C3orf49: variants seen among roughly 807,000 people sequenced by gnomAD.
The protein encoded by C3orf49 is putative uncharacterized protein C3orf49.
A neutral mutation model predicts 13.3 loss-of-function variants in C3orf49; 27 were observed. The observed-to-expected ratio is 2.02, with a 90% CI of 1.49 to 2.79. The LOEUF is 2.79. Among genes scored for constraint, C3orf49 ranks in the 30% most tolerant of loss-of-function variants. The pLI is 0.00. For missense variants in C3orf49, 242 were observed against 134.2 expected (o/e 1.80, Z -3.97); for synonymous variants, 87 against 47.6 (o/e 1.83, Z -3.40).
At chr3:63,839,249 C>T (rs544126746) in intron 5 of C3orf49, among the ~76,000 whole-genome samples, 5 of 152,224 alleles carry the variant, frequency 3.3e-5, no homozygotes, top group Admixed American at 6.5e-5. Flanking sequence ...CAAAAGTAAT[C>T]GTGGTTTCTG....
Position 63,837,886 on chromosome 3 carries a change from C to T in C3orf49, c.849+6042C>T. ...TTTTTTTAATCCAGGTTGATTCAGG[C>T]TGCAGATTTTACCTCACAACATTAA... On this transcript the variant is annotated intron_variant, in intron 5 of 6. Transcript: ENST00000295896. 3 of 1,131,180 alleles carry T rather than the reference C, an allele frequency of 2.7e-6. No individual in the cohort carries two copies. The South Asian group carries it at 4.9e-5, about 19-fold the overall frequency. The allele number at this position is 1,131,180 out of a possible 1,614,324, so 70.1% of individuals were successfully genotyped here.
chr3:63,788,685 T>A, the C3orf49 span, among the ~76,000 whole-genome samples: 1 of 149,770 alleles, frequency 6.7e-6, no homozygotes. Flanking sequence ...TTAATCCTCA[T>A]AACAGCCCGG....
chr3:63,838,083 A>G (rs1175914468), intron 5 of C3orf49: 8 of 1,567,826 alleles, frequency 5.1e-6, no homozygotes, highest in Non-Finnish European at 6.0e-6. Flanking sequence ...AGGTTTTTTA[A>G]AAGATAGTTG....
At chr3:63,783,666 C>T in the C3orf49 span, among the ~76,000 whole-genome samples, 3 of 151,118 alleles carry the variant, frequency 2.0e-5, no homozygotes, top group Admixed American at 6.6e-5. Flanking sequence ...TGCAGTAGGC[C>T]GAGACTGTGC....
intron 1 of C3orf49, among the ~76,000 whole-genome samples, chr3:63,821,149 T>C (rs1701388704): frequency 2.0e-5 from 3 of 152,220 alleles, no homozygotes; most frequent in Admixed American, 6.5e-5. Context: ...AGAGGTTACA[T>C]GACATGCCCA....
chr3:63,846,559 C>G (rs1200400744), intron 6 of C3orf49, among the ~76,000 whole-genome samples: 2 of 152,118 alleles, frequency 1.3e-5, no homozygotes, highest in African/African-American at 4.8e-5. Flanking sequence ...AGGCACCCAC[C>G]ACCACGCCAG....
At chr3:63,797,931 C>G in the C3orf49 span, among the ~76,000 whole-genome samples, 1 of 152,098 alleles carries the variant, frequency 6.6e-6, no homozygotes, top group Non-Finnish European at 1.5e-5. Flanking sequence ...TCAGCAATTA[C>G]TATGGAATTT....
the C3orf49 span, among the ~76,000 whole-genome samples, chr3:63,783,693 G>A: frequency 1.3e-5 from 2 of 151,254 alleles, no homozygotes. Flanking sequence ...ACTCCAGCCT[G>A]GGCAACACAG....
At position 63,831,701 on chromosome 3, in the gene C3orf49, G is replaced by GTGAC. The variant is rs1402114641; in HGVS notation, c.710_713dup (p.Lys239Ter). On this transcript the variant is annotated frameshift_variant, in exon 5 of 7. Transcript: ENST00000295896. LOFTEE classifies it high-confidence loss of function. ...ATAGGTGGATGACCTCATAGAAACA[G>GTGAC]TGACTGATAAATCCATGAAGCTACT... 4.3e-6 allele frequency: 3 copies of GTGAC among 703,034 alleles called. No individual in the cohort carries two copies. The highest frequency in any genetic ancestry group is 7.8e-6 in the Non-Finnish European group (3 of 385,044). 43.5% of individuals were successfully genotyped at this position (703,034 alleles called of 1,614,324 possible).
intron 6 of C3orf49, among the ~76,000 whole-genome samples, chr3:63,845,651 T>C (rs1293023480): frequency 6.6e-6 from 1 of 152,162 alleles, no homozygotes; most frequent in Admixed American, 6.5e-5. Context: ...GCCTCAGGCA[T>C]CTGACTGGGT....
intron 5 of C3orf49, among the ~76,000 whole-genome samples, chr3:63,840,266 G>A (rs1488819741): frequency 1.3e-5 from 2 of 152,034 alleles, no homozygotes; most frequent in Admixed American, 6.6e-5. Context: ...TTTAAAAGAT[G>A]TAGTGGCAAA....
intron 2 of C3orf49, among the ~76,000 whole-genome samples, chr3:63,825,937 G>T (rs1701460313): frequency 6.6e-6 from 1 of 152,222 alleles, no homozygotes; most frequent in South Asian, 2.1e-4. Context: ...ACTAAATTGA[G>T]ATCTGAAGGA....
intron 6 of C3orf49, among the ~76,000 whole-genome samples, chr3:63,847,683 G>C (rs1194022180): frequency 6.6e-6 from 1 of 150,512 alleles, no homozygotes; most frequent in African/African-American, 2.4e-5. Flanking sequence ...GTTGCAGTGA[G>C]CCAAGATCGT....
the C3orf49 span, among the ~76,000 whole-genome samples, chr3:63,813,680 CTG>C: frequency 6.6e-6 from 1 of 152,202 alleles, no homozygotes; most frequent in Non-Finnish European, 1.5e-5. Context: ...AGGAGAAACA[CTG>C]TGTCTCCAGG....
the C3orf49 span, among the ~76,000 whole-genome samples, chr3:63,810,457 G>A: frequency 6.6e-6 from 1 of 152,180 alleles, no homozygotes; most frequent in East Asian, 1.9e-4. Flanking sequence ...GTGAATAAAT[G>A]AATACATAAA....
intron 2 of C3orf49, among the ~76,000 whole-genome samples, chr3:63,825,129 C>T (rs1701450206): frequency 6.6e-6 from 1 of 152,144 alleles, no homozygotes; most frequent in African/African-American, 2.4e-5. Context: ...TCTGTCATAA[C>T]ATACATCCAC....
chr3:63,806,674 C>T, the C3orf49 span, among the ~76,000 whole-genome samples: 47 of 152,228 alleles, frequency 3.1e-4, no homozygotes, highest in Non-Finnish European at 5.7e-4. Flanking sequence ...TTCTCTAGTC[C>T]ACCTCTAAAC....
At chr3:63,825,610 T>G (rs1701456600) in intron 2 of C3orf49, among the ~76,000 whole-genome samples, 1 of 152,228 alleles carries the variant, frequency 6.6e-6, no homozygotes, top group Admixed American at 6.5e-5. Context: ...CCAGAAAACA[T>G]GCTCATCCTT....
At chr3:63,815,056 A>T (rs1351564233), upstream of C3orf49, among the ~76,000 whole-genome samples, 1 of 152,110 alleles carries the variant, frequency 6.6e-6, no homozygotes, top group Non-Finnish European at 1.5e-5. Flanking sequence ...ACGCACTTTT[A>T]AACAACCAGA....
Sources: allele counts gnomAD v4.1 joint callset (sites outside exome capture counted in the v4.1 genomes callset), GRCh38; gene constraint gnomAD v4.1.1; transcripts MANE v1.5; gene names NCBI Gene and HGNC (gene_info 2026-07-23, HGNC 2026-07-21).